LRP1B: variants seen among roughly 807,000 people sequenced by gnomAD.
LRP1B encodes the protein LDL receptor related protein 1B.
A neutral mutation model predicts 556.6 loss-of-function variants in LRP1B; 217 were observed. That is an observed-to-expected ratio of 0.39 (90% CI 0.35 to 0.44). The LOEUF is 0.44. LRP1B is among the 20% of genes least tolerant of loss of function. The pLI, the probability that LRP1B is intolerant of heterozygous loss-of-function variation, is 1.00. For missense variants in LRP1B, 5,053 were observed against 5,620.8 expected, an observed-to-expected ratio of 0.90 and a Z score of 3.23; for synonymous variants, 2,047 against 1,865.8, an observed-to-expected ratio of 1.10 and a Z score of -2.50.
intron 7 of LRP1B, among the ~76,000 whole-genome samples, chr2:141,161,676 G>A (rs989591301): frequency 1.3e-5 from 2 of 152,106 alleles, no homozygotes; most frequent in African/African-American, 4.8e-5. Context: ...CAGAGCAGAA[G>A]GCAGATTTAT....
intron 4 of LRP1B, among the ~76,000 whole-genome samples, chr2:141,253,635 AT>A (rs1684351339): frequency 6.6e-6 from 1 of 151,990 alleles, no homozygotes; most frequent in Non-Finnish European, 1.5e-5. Context: ...TATCTCATGA[AT>A]TTTTTCAAAT....
At chr2:141,045,984 T>C (rs747257995) in intron 11 of LRP1B, among the ~76,000 whole-genome samples, 10 of 152,260 alleles carry the variant, frequency 6.6e-5, no homozygotes, top group Admixed American at 3.9e-4. Context: ...TCCTTTCTCA[T>C]TGATTTGATT....
chr2:141,810,124 A>G (rs1696299166), intron 2 of LRP1B, among the ~76,000 whole-genome samples, 155 bp downstream of exon 2: 2 of 111,258 alleles, frequency 1.8e-5, no homozygotes, highest in African/African-American at 7.2e-5. Context: ...AAAGAAAGAA[A>G]GAAAGAAAGA....
At chr2:141,054,140 A>G (rs1347323210) in intron 10 of LRP1B, among the ~76,000 whole-genome samples, 1 of 152,028 alleles carries the variant, frequency 6.6e-6, no homozygotes, top group African/African-American at 2.4e-5. Context: ...AGCTCTAACC[A>G]TTCAGACTTC....
At chr2:141,298,609 C>A (rs993451062) in intron 3 of LRP1B, among the ~76,000 whole-genome samples, 2 of 152,118 alleles carry the variant, frequency 1.3e-5, no homozygotes, top group South Asian at 4.1e-4. Flanking sequence ...CCAGACATTC[C>A]TGTGCATCTT....
chr2:141,774,924 A>T (rs1695013699), intron 2 of LRP1B, among the ~76,000 whole-genome samples: 1 of 152,172 alleles, frequency 6.6e-6, no homozygotes, highest in Non-Finnish European at 1.5e-5. Context: ...CATTCATACT[A>T]CATCTTTAAG....
At chr2:140,322,547 T>A (rs1185072783) in intron 81 of LRP1B, among the ~76,000 whole-genome samples, 1 of 119,866 alleles carries the variant, frequency 8.3e-6, no homozygotes, top group Non-Finnish European at 1.7e-5. Context: ...ATAAAAAGGA[T>A]GAAAATGCAT....
intron 11 of LRP1B, among the ~76,000 whole-genome samples, chr2:141,024,092 T>C (rs1698146698): frequency 6.6e-6 from 1 of 152,028 alleles, no homozygotes; most frequent in African/African-American, 2.4e-5. Flanking sequence ...CATTTCAATA[T>C]GGTCTGAGGC....
chr2:141,929,916 A>ACAAAACAAAACAAAAC (rs1700443643), intron 1 of LRP1B, among the ~76,000 whole-genome samples: 17 of 8,120 alleles, frequency 2.1e-3, no homozygotes, highest in African/African-American at 6.3e-3. Flanking sequence ...TGGAAACAAA[A>ACAAAACAAAACAAAAC]AAAAAAAAAA....
chr2:140,314,258 ATTT>A (rs1212880768), intron 83 of LRP1B, among the ~76,000 whole-genome samples: 3 of 152,004 alleles, frequency 2.0e-5, no homozygotes, highest in East Asian at 1.9e-4. Context: ...TGCAAATTAG[ATTT>A]TTATTATGCA....
chr2:141,967,758 C>A (rs764011195), intron 1 of LRP1B, among the ~76,000 whole-genome samples: 3 of 151,700 alleles, frequency 2.0e-5, no homozygotes, highest in Non-Finnish European at 2.9e-5. Context: ...TGTACTTATT[C>A]ATTTGCTTAA....
chr2:141,975,777 A>C (rs1558997884), intron 1 of LRP1B, among the ~76,000 whole-genome samples: 1 of 152,134 alleles, frequency 6.6e-6, no homozygotes, highest in Non-Finnish European at 1.5e-5. Flanking sequence ...AGGCCTCTTG[A>C]AGGCATTAAA....
At chr2:141,289,210 C>T (rs1228746744) in intron 3 of LRP1B, among the ~76,000 whole-genome samples, 2 of 151,492 alleles carry the variant, frequency 1.3e-5, no homozygotes, top group African/African-American at 4.9e-5. Context: ...CAGTGAAACT[C>T]CGTCTCTACT....
intron 43 of LRP1B, among the ~76,000 whole-genome samples, chr2:140,554,884 G>GTGTGTGTGTGTGTA (rs56040453): frequency 6.7e-6 from 1 of 148,656 alleles, no homozygotes; most frequent in East Asian, 2.0e-4. Context: ...GTGTGTGTGT[G>GTGTGTGTGTGTGTA]TATATGTATA....
chr2:141,758,985 C>T (rs1015289710), intron 2 of LRP1B, among the ~76,000 whole-genome samples: 23 of 151,800 alleles, frequency 1.5e-4, no homozygotes, highest in African/African-American at 5.6e-4. Context: ...TGTGGAAAGC[C>T]AAATCATGAT....
intron 14 of LRP1B, among the ~76,000 whole-genome samples, chr2:141,013,094 G>A (rs540683250): frequency 6.6e-6 from 1 of 151,820 alleles, no homozygotes; most frequent in African/African-American, 2.4e-5. Flanking sequence ...ATAATTACAT[G>A]TTCCTTAAAT....
At chr2:140,440,624 G>T (rs1445464821) in intron 66 of LRP1B, among the ~76,000 whole-genome samples, 1 of 152,164 alleles carries the variant, frequency 6.6e-6, no homozygotes, top group Non-Finnish European at 1.5e-5. Flanking sequence ...AATAAGGGGT[G>T]TGAAATGCTG....
intron 1 of LRP1B, among the ~76,000 whole-genome samples, chr2:142,116,890 T>A (rs1179206815): frequency 6.6e-6 from 1 of 152,166 alleles, no homozygotes; most frequent in African/African-American, 2.4e-5. Context: ...AACAGAAAGA[T>A]AAAATACAAA....
intron 76 of LRP1B, 136 bp from the exon 77 acceptor site, chr2:140,351,174 GTC>G: frequency 1.8e-6 from 1 of 560,046 alleles, no homozygotes; most frequent in Non-Finnish European, 3.0e-6. Context: ...GTTTTATATT[GTC>G]TTTTAGTCTT....
Sources: gnomAD v4.1 joint callset for allele counts (sites outside exome capture counted in the v4.1 genomes callset) on GRCh38, gnomAD v4.1.1 for gene constraint, MANE v1.5 for transcripts, NCBI Gene and HGNC (gene_info 2026-07-23, HGNC 2026-07-21) for gene names.